The following SNCAIP variants were observed in gnomAD, a reference collection of about 807,000 sequenced individuals.
SNCAIP encodes the protein synuclein alpha interacting protein.
A neutral mutation model predicts 86.7 loss-of-function variants in SNCAIP; 43 were observed. That is an observed-to-expected ratio of 0.50 (90% CI 0.39 to 0.64). The LOEUF is 0.64. Among genes scored for constraint, SNCAIP ranks in the 30% least tolerant of loss-of-function variants. The pLI is 0.00. For synonymous variants in SNCAIP, 417 were observed against 427.2 expected, an observed-to-expected ratio of 0.98 and a Z score of 0.29; for missense variants, 981 against 1,103.1, an observed-to-expected ratio of 0.89 and a Z score of 1.57.
intron 3 of SNCAIP, among the ~76,000 whole-genome samples, chr5:122,409,410 G>T (rs1392886489): frequency 6.6e-6 from 1 of 152,118 alleles, no homozygotes; most frequent in African/African-American, 2.4e-5. Context: ...ATTTTCTTAT[G>T]AAAGAAGGCA....
At chr5:122,349,836 A>G (rs1049173101) in intron 1 of SNCAIP, among the ~76,000 whole-genome samples, 1 of 152,054 alleles carries the variant, frequency 6.6e-6, no homozygotes, top group Non-Finnish European at 1.5e-5. Context: ...TGATGTTTTG[A>G]TGGGGCTCTT....
At chr5:122,345,247 C>G (rs1420503770) in intron 1 of SNCAIP, among the ~76,000 whole-genome samples, 1 of 152,112 alleles carries the variant, frequency 6.6e-6, no homozygotes, top group Non-Finnish European at 1.5e-5. Context: ...TTGGAATGCC[C>G]TCATGTGTTT....
At chr5:122,400,410 G>A (rs551890032) in intron 2 of SNCAIP, among the ~76,000 whole-genome samples, 4 of 152,324 alleles carry the variant, frequency 2.6e-5, no homozygotes, top group Non-Finnish European at 4.4e-5. Flanking sequence ...ATTATGCCCA[G>A]GGATTAGTCA....
chr5:122,402,349 T>C (rs564901187), intron 2 of SNCAIP, among the ~76,000 whole-genome samples: 4 of 152,144 alleles, frequency 2.6e-5, no homozygotes, highest in African/African-American at 7.2e-5. Context: ...AGGAAAAAAA[T>C]ACTTACAGGT....
rs774376648 is a variant in SNCAIP, at chr5:122,448,557, TTA to T, written c.1593-1276_1593-1275del. On this transcript the variant is annotated intron_variant, in intron 8 of 10. Transcript: ENST00000261368. ...TTTGAAGTATATCCTTCCATATTTTTTATATATATATATCCTTCCATATTTTA... is the reference window on the plus strand; with the variant it reads ...TTTGAAGTATATCCTTCCATATTTTTTATATATATATCCTTCCATATTTTA... Among the ~76,000 whole-genome samples, 151 of 144,386 alleles carry T rather than the reference TTA, an allele frequency of 1.0e-3. 2 individuals carry two copies. The East Asian group carries it at 0.014, about 13-fold the overall frequency. 94.7% of individuals were successfully genotyped at this position (144,386 alleles called of 152,430 possible).
chr5:122,414,022 G>T (rs1386719697), intron 3 of SNCAIP, among the ~76,000 whole-genome samples: 1 of 152,064 alleles, frequency 6.6e-6, no homozygotes, highest in Non-Finnish European at 1.5e-5. Flanking sequence ...CAGTCCTCCT[G>T]CTTCAGCTTC....
In SNCAIP at chr5:122,407,482, C is replaced by A. The variant is rs192140023; in HGVS notation, c.130+3617C>A. Among the ~76,000 whole-genome samples, 33 of 152,268 alleles carry A rather than the reference C, an allele frequency of 2.2e-4. No homozygotes were observed. In the East Asian group the frequency reaches 5.4e-3, roughly 25 times the overall value. ...TGCTTAGTGCAGTGAAGAGCAATGC[C>A]AGCAGGATTCCAATTTTTCTAAAAT... is the stretch of plus-strand genomic sequence containing the variant. On this transcript the variant is annotated intron_variant, in intron 3 of 10. Coordinates refer to ENST00000261368, the MANE Select transcript of SNCAIP (RefSeq NM_005460.4).
At chr5:122,450,082 T>C in intron 9 of SNCAIP, 145 bp downstream of exon 9, 1 of 664,246 alleles carries the variant, frequency 1.5e-6, no homozygotes, top group Non-Finnish European at 2.6e-6. Context: ...GAAATCACAG[T>C]GAAAAAGGCA....
At chr5:122,313,260 C>A (rs1167458739) in intron 1 of SNCAIP, among the ~76,000 whole-genome samples, 2 of 152,242 alleles carry the variant, frequency 1.3e-5, no homozygotes, top group African/African-American at 4.8e-5. Flanking sequence ...GGATCGGATT[C>A]CTCTTGGCTG....
chr5:122,403,767 C>T lies in SNCAIP; in HGVS notation c.58-26C>T, dbSNP rs1772354148. The T allele has an allele frequency of 2.5e-6, 4 of 1,580,068 alleles. No homozygotes were observed. In the African/African-American group the frequency reaches 4.0e-5, roughly 16 times the overall value. Reference sequence around the variant, plus strand: ...GCTCGCATTTTAAATTATTTTATGCCCTCTCTTCTCTGGCTTCCCGTTCAG... The same window carrying T: ...GCTCGCATTTTAAATTATTTTATGCTCTCTCTTCTCTGGCTTCCCGTTCAG... On this transcript the variant is annotated intron_variant, in intron 2 of 10. Transcript: ENST00000261368.
At chr5:122,353,355 T>C (rs1192265145) in intron 1 of SNCAIP, among the ~76,000 whole-genome samples, 1 of 151,948 alleles carries the variant, frequency 6.6e-6, no homozygotes, top group Non-Finnish European at 1.5e-5. Flanking sequence ...ATGGCTTTAA[T>C]TTGTGAAAAA....
chr5:122,313,446 G>A (rs965573865), intron 1 of SNCAIP, among the ~76,000 whole-genome samples: 1 of 152,248 alleles, frequency 6.6e-6, no homozygotes, highest in Non-Finnish European at 1.5e-5. Context: ...GTTCTCCAAG[G>A]TGTCACTCTA....
At chr5:122,342,098 C>A (rs923855130) in intron 1 of SNCAIP, among the ~76,000 whole-genome samples, 1 of 152,050 alleles carries the variant, frequency 6.6e-6, no homozygotes, top group African/African-American at 2.4e-5. Context: ...CATCAGCTGC[C>A]CATTCTCTCA....
In SNCAIP at chr5:122,444,678, A is replaced by G; in HGVS notation, c.1538A>G (p.Glu513Gly). The change falls in exon 8 of 11, where the codon GAG (glutamate) becomes GGG (glycine). Residue 513 changes from glutamate to glycine, a missense_variant. Physicochemically the swap from Glu to Gly is moderately conservative, Grantham distance 98. Transcript: ENST00000261368. The part of the protein sequence containing the change: ...TLCSRYLVVV[E>G]TCMSLASQVV... ...TGCTCCAGGTACCTGGTGGTGGTGG[A>G]GACCTGCATGTCGCTGGCCTCTCAA... 1 of 1,613,980 alleles carries G rather than the reference A, an allele frequency of 6.2e-7. No individual in the cohort carries two copies. Among genetic ancestry groups the G allele is most frequent in the Non-Finnish European group, 8.5e-7 (1 of 1,179,888 alleles).
chr5:122,400,533 C>T (rs1175924734), intron 2 of SNCAIP, among the ~76,000 whole-genome samples: 2 of 152,188 alleles, frequency 1.3e-5, no homozygotes, highest in South Asian at 4.1e-4. Context: ...GAAGCCAACA[C>T]CTACAGATAA....
intron 1 of SNCAIP, among the ~76,000 whole-genome samples, chr5:122,326,938 CTATGTATGTATGTATGTATG>C (rs36064900): frequency 2.0e-5 from 3 of 146,780 alleles, no homozygotes; most frequent in Non-Finnish European, 4.5e-5. Context: ...ACTTTCTCAA[CTATGTATGTATGTATGTATG>C]TATGTATGTA....
At chr5:122,404,294 G>GGGTTCT (rs1436614059) in intron 3 of SNCAIP, among the ~76,000 whole-genome samples, 4 of 152,188 alleles carry the variant, frequency 2.6e-5, no homozygotes, top group Non-Finnish European at 5.9e-5. Context: ...CCCTATCAGA[G>GGGTTCT]ATGCGACATG....
intron 1 of SNCAIP, among the ~76,000 whole-genome samples, chr5:122,314,769 C>A (rs965097840): frequency 1.7e-4 from 26 of 152,104 alleles, no homozygotes; most frequent in Non-Finnish European, 3.2e-4. Context: ...AATTAATGAT[C>A]AAAATATGTG....
chr5:122,398,666 C>A (rs1363961911), intron 2 of SNCAIP, among the ~76,000 whole-genome samples: 1 of 151,998 alleles, frequency 6.6e-6, no homozygotes, highest in Non-Finnish European at 1.5e-5. Context: ...TTTTATGGGG[C>A]CTTAGTAGTT....
Sources: allele counts gnomAD v4.1 joint callset (sites outside exome capture counted in the v4.1 genomes callset), GRCh38; gene constraint gnomAD v4.1.1; transcripts MANE v1.5; gene names NCBI Gene and HGNC (gene_info 2026-07-23, HGNC 2026-07-21).